Variants in GPR141 observed in about 807,000 individuals in gnomAD.
The protein encoded by GPR141 is probable G protein-coupled receptor 141.
Under a neutral mutation model 6.8 loss-of-function variants are expected in GPR141, and 6 were observed. The observed-to-expected ratio is 0.88, with a 90% CI of 0.48 to 1.74. GPR141 has a LOEUF of 1.74. Ranked by LOEUF, GPR141 falls within the 40% of genes most tolerant of loss-of-function variation. The probability of loss-of-function intolerance (pLI) is 0.01; values close to 1 mark genes in which losing one functional copy is unlikely to be tolerated. For synonymous variants in GPR141, 140 were observed against 142.3 expected, an observed-to-expected ratio of 0.98 and a Z score of 0.11; for missense variants, 372 against 372.9, an observed-to-expected ratio of 1.00 and a Z score of 0.02.
intron 2 of GPR141, among the ~76,000 whole-genome samples, chr7:37,688,131 A>G (rs1013854395): frequency 6.6e-6 from 1 of 152,112 alleles, no homozygotes; most frequent in African/African-American, 2.4e-5. Context: ...CTTCGTGTCA[A>G]CTTTTAAAAA....
At chr7:37,734,129 T>A (rs984334737) in intron 2 of GPR141, among the ~76,000 whole-genome samples, 2 of 151,190 alleles carry the variant, frequency 1.3e-5, no homozygotes, top group African/African-American at 4.9e-5. Flanking sequence ...ACCATGATGA[T>A]GCCACTGCAC....
chr7:37,725,179 G>A (rs907400432), intron 2 of GPR141, among the ~76,000 whole-genome samples: 5 of 152,236 alleles, frequency 3.3e-5, no homozygotes, highest in Middle Eastern at 3.4e-3. Flanking sequence ...TGGAAGAAGG[G>A]GTGAATATAG....
intron 2 of GPR141, among the ~76,000 whole-genome samples, chr7:37,722,283 C>T (rs754398194): frequency 3.8e-4 from 58 of 152,106 alleles, no homozygotes; most frequent in Non-Finnish European, 6.5e-4. Flanking sequence ...AGATGTTATA[C>T]GGTCGTATAA....
intron 2 of GPR141, among the ~76,000 whole-genome samples, chr7:37,740,159 A>G (rs1184315836): frequency 6.6e-6 from 1 of 152,206 alleles, no homozygotes; most frequent in Non-Finnish European, 1.5e-5. Context: ...GAAGATTCAG[A>G]TTCGATTTTT....
chr7:37,690,531 G>A (rs990329295), intron 2 of GPR141, among the ~76,000 whole-genome samples: 1 of 152,134 alleles, frequency 6.6e-6, no homozygotes, highest in African/African-American at 2.4e-5. Context: ...TATGCTTACT[G>A]TAGAGCCTGC....
intron 2 of GPR141, among the ~76,000 whole-genome samples, chr7:37,717,043 A>C (rs1037434740): frequency 6.6e-6 from 1 of 152,240 alleles, no homozygotes; most frequent in Admixed American, 6.5e-5. Flanking sequence ...TAAGAGCCTC[A>C]AATTTACAGG....
chr7:37,742,214 T>C lies in GPR141; in HGVS notation c.*903T>C, dbSNP rs988997867. Among the ~76,000 whole-genome samples the C allele has an allele frequency of 1.3e-5, 2 of 152,004 alleles. No individual in the cohort carries two copies. The highest frequency in any genetic ancestry group is 2.9e-5 in the Non-Finnish European group (2 of 67,998). ...GGGGGGACAGAAAGTTATACTGAAA[T>C]CTTTAGAGCTCCCTTCCGCCGTTAA... On this transcript the variant is annotated 3_prime_UTR_variant, in exon 3 of 3. Transcript: ENST00000334425.
At chr7:37,693,116 C>A (rs945013278) in intron 2 of GPR141, among the ~76,000 whole-genome samples, 2 of 152,100 alleles carry the variant, frequency 1.3e-5, no homozygotes, top group African/African-American at 4.8e-5. Flanking sequence ...AGGTTTTCTT[C>A]TAGGGTTTTT....
At chr7:37,685,211 G>A (rs557875165) in intron 1 of GPR141, 1 of 152,196 alleles carries the variant, frequency 6.6e-6, no homozygotes, top group Non-Finnish European at 1.5e-5. Flanking sequence ...AATGGAAGTT[G>A]TAGACTGGAT....
intron 2 of GPR141, among the ~76,000 whole-genome samples, chr7:37,707,895 T>C (rs1810596697): frequency 6.6e-6 from 1 of 152,180 alleles, no homozygotes; most frequent in African/African-American, 2.4e-5. Context: ...GACAGGGTTT[T>C]TCTCGGGAGG....
chr7:37,696,135 A>G lies in GPR141; in HGVS notation c.-15+10552A>G, dbSNP rs142232750. Among the ~76,000 whole-genome samples, 29 of 152,362 alleles carry G rather than the reference A, an allele frequency of 1.9e-4. No homozygotes were observed. In the East Asian group the frequency reaches 5.2e-3, roughly 27 times the overall value. On this transcript the variant is annotated intron_variant, in intron 2 of 2. Transcript: ENST00000334425. ...TTATAATAGTGTGAAAGCAATACTCAGTAGAAAACAGACTCTGAATCTTGA... is the reference window on the plus strand; with the variant it reads ...TTATAATAGTGTGAAAGCAATACTCGGTAGAAAACAGACTCTGAATCTTGA...
intron 2 of GPR141, among the ~76,000 whole-genome samples, chr7:37,721,853 C>T (rs1811341969): frequency 6.6e-6 from 1 of 152,170 alleles, no homozygotes. Flanking sequence ...CAATGGGTTA[C>T]TTGAAGGATA....
chr7:37,730,021 T>A (rs901774465), intron 2 of GPR141: 1 of 152,182 alleles, frequency 6.6e-6, no homozygotes. Flanking sequence ...AAAGACCAGA[T>A]CCCAGGAAAA....
intron 2 of GPR141, among the ~76,000 whole-genome samples, chr7:37,729,446 CA>C: frequency 6.6e-6 from 1 of 152,220 alleles, no homozygotes; most frequent in African/African-American, 2.4e-5. Context: ...TGGCCATATC[CA>C]AAAAATGTTT....
chr7:37,711,946 A>T (rs1384195944), intron 2 of GPR141, among the ~76,000 whole-genome samples: 1 of 152,230 alleles, frequency 6.6e-6, no homozygotes, highest in South Asian at 2.1e-4. Context: ...TCTGTATGGT[A>T]AAAATAGATG....
chr7:37,710,673 G>A (rs922421884), intron 2 of GPR141, among the ~76,000 whole-genome samples: 9 of 152,258 alleles, frequency 5.9e-5, no homozygotes, highest in South Asian at 2.1e-4. Flanking sequence ...GGTACTTTTA[G>A]TGGGAAATGG....
intron 2 of GPR141, among the ~76,000 whole-genome samples, chr7:37,689,734 TATTA>T (rs578231379): frequency 2.0e-4 from 30 of 152,098 alleles, no homozygotes; most frequent in African/African-American, 7.2e-4. Flanking sequence ...ATTTCTGTGC[TATTA>T]ATTGTACAGT....
At chr7:37,695,863 C>T (rs904915465) in intron 2 of GPR141, among the ~76,000 whole-genome samples, 1 of 152,184 alleles carries the variant, frequency 6.6e-6, no homozygotes, top group Middle Eastern at 3.4e-3. Flanking sequence ...CACTGTGTGG[C>T]GGTGGAGGTT....
At chr7:37,716,841 G>T (rs939607596) in intron 2 of GPR141, among the ~76,000 whole-genome samples, 1 of 152,200 alleles carries the variant, frequency 6.6e-6, no homozygotes, top group African/African-American at 2.4e-5. Flanking sequence ...TTTAAAAGAA[G>T]ACACAAAATA....
Sources: gnomAD v4.1 joint callset for allele counts (sites outside exome capture counted in the v4.1 genomes callset) on GRCh38, gnomAD v4.1.1 for gene constraint, MANE v1.5 for transcripts, NCBI Gene and HGNC (gene_info 2026-07-23, HGNC 2026-07-21) for gene names.